XDH: variants seen among roughly 807,000 people sequenced by gnomAD.
XDH encodes xanthine dehydrogenase, also known as xanthine dehydrogenase/oxidase.
Under a neutral mutation model 156.1 loss-of-function variants are expected in XDH, and 138 were observed. That is an observed-to-expected ratio of 0.88 (90% CI 0.77 to 1.02). XDH has a LOEUF of 1.02. XDH is among the 50% of genes least tolerant of loss of function. The pLI is 0.00. For synonymous variants in XDH, 669 were observed against 625.7 expected (o/e 1.07, Z -1.03); for missense variants, 1,849 against 1,684.9 (o/e 1.10, Z -1.71).
intron 3 of XDH, among the ~76,000 whole-genome samples, chr2:31,402,785 T>C (rs753685581): frequency 6.6e-6 from 1 of 152,180 alleles, no homozygotes; most frequent in Non-Finnish European, 1.5e-5. Flanking sequence ...TGAAGAGCTA[T>C]TGAAGGGCTT....
chr2:31,356,465 A>C (rs1343614750), intron 24 of XDH, among the ~76,000 whole-genome samples: 1 of 152,194 alleles, frequency 6.6e-6, no homozygotes. Context: ...TGTCTCTGTA[A>C]GAGAGAAGTA....
chr2:31,337,550 A>C, intron 35 of XDH, 91 bp downstream of exon 35: 1 of 1,587,930 alleles, frequency 6.3e-7, no homozygotes, highest in Non-Finnish European at 8.6e-7. Flanking sequence ...AGAGAGCCCA[A>C]CACCTCTCCT....
chr2:31,361,173 T>C (rs1320248109), intron 24 of XDH, among the ~76,000 whole-genome samples: 6 of 152,358 alleles, frequency 3.9e-5, no homozygotes, highest in African/African-American at 1.4e-4. Flanking sequence ...GAATAACTTG[T>C]ATGCTACAAA....
chr2:31,368,177 T>TGTATGTGAAGC, intron 19 of XDH, 120 bp from the exon 20 acceptor site: 1 of 915,682 alleles, frequency 1.1e-6, no homozygotes, highest in Non-Finnish European at 1.8e-6. Flanking sequence ...AATGAATCTC[T>TGTATGTGAAGC]ATATGCTTCA....
At chr2:31,385,613 T>G (rs1173586161) in intron 9 of XDH, among the ~76,000 whole-genome samples, 1 of 152,150 alleles carries the variant, frequency 6.6e-6, no homozygotes, top group Admixed American at 6.5e-5. Context: ...TCCAGCAAAG[T>G]AGAAATAGGC....
chr2:31,369,025 A>T (rs1428594040), intron 18 of XDH, among the ~76,000 whole-genome samples: 1 of 152,154 alleles, frequency 6.6e-6, no homozygotes, highest in Non-Finnish European at 1.5e-5. Context: ...TCCTATGGAG[A>T]CTCAGAAGGC....
chr2:31,347,958 T>C (rs992158475), intron 28 of XDH, among the ~76,000 whole-genome samples: 11 of 152,328 alleles, frequency 7.2e-5, no homozygotes, highest in Admixed American at 6.5e-4. Context: ...CAGCTCATTG[T>C]CCTCACTCCA....
intron 16 of XDH, 103 bp downstream of exon 16, chr2:31,373,770 C>G (rs1341983726): frequency 8.9e-7 from 1 of 1,129,714 alleles, no homozygotes; most frequent in Non-Finnish European, 1.3e-6. Context: ...GTTTTATGGA[C>G]CTATATACAA....
Position 31,375,603 on chromosome 2 carries a change from C to A in XDH, c.1428-49G>T, listed in dbSNP as rs753158436. On this transcript the variant is annotated intron_variant, in intron 14 of 35. Coordinates refer to ENST00000379416, the MANE Select transcript of XDH (RefSeq NM_000379.4). ...CAGCGCTCCCGCCCAGCCCTCCAGA[C>A]CCCTTTGTGTAGAGCTGTGTGCCCA... 6.3e-6 allele frequency: 10 copies of A among 1,596,194 alleles called. No homozygotes were observed. The East Asian group carries it at 6.8e-5, about 11-fold the overall frequency.
chr2:31,382,747 G>C (rs1326398864), intron 11 of XDH, among the ~76,000 whole-genome samples: 1 of 152,170 alleles, frequency 6.6e-6, no homozygotes, highest in Non-Finnish European at 1.5e-5. Context: ...GTCGTGGAGT[G>C]CATTTCCCAG....
At position 31,349,772 on chromosome 2, in the gene XDH, C is replaced by G; in HGVS notation, c.2883G>C (p.Glu961Asp). The G allele has an allele frequency of 6.2e-7, 1 of 1,614,168 alleles. No homozygotes were observed. The highest frequency in any genetic ancestry group is 8.5e-7 in the Non-Finnish European group (1 of 1,180,044). Residue 961 changes from glutamate (E) to aspartate (D), a missense_variant, in exon 26 of 36, where the codon GAG becomes GAC. Physicochemically the swap from Glu to Asp is conservative, Grantham distance 45. Transcript: ENST00000379416. Reference protein sequence around the residue: ...GDLTHFNQKLEGFTLPRCWEE... With the variant: ...GDLTHFNQKLDGFTLPRCWEE... The stretch of plus-strand genomic sequence containing the variant: ...CCCAGCATCTGGGCAAGGTGAAACC[C>G]TCAAGCTTCTGGTTGAAGTGTGTCA...
Position 31,407,451 on chromosome 2 carries a change from C to T in XDH, c.43-1487G>A, listed in dbSNP as rs193211034. On this transcript the variant is annotated intron_variant, in intron 1 of 35. Transcript: ENST00000379416. ...TCATTTCCCAAAATACAGGATAGAGCATTCAATAAAGAGAGACTGTGTGGA... is the reference window on the plus strand; with the variant it reads ...TCATTTCCCAAAATACAGGATAGAGTATTCAATAAAGAGAGACTGTGTGGA... Among the ~76,000 whole-genome samples, 6 of 152,280 alleles carry T rather than the reference C, an allele frequency of 3.9e-5. No homozygotes were observed. In the East Asian group the frequency reaches 1.2e-3, roughly 29 times the overall value.
At chr2:31,395,193 A>G (rs1686869863) in intron 6 of XDH, among the ~76,000 whole-genome samples, 1 of 152,196 alleles carries the variant, frequency 6.6e-6, no homozygotes, top group Admixed American at 6.5e-5. Context: ...AGTATCCTAT[A>G]GTCCTAGGAT....
intron 11 of XDH, among the ~76,000 whole-genome samples, 167 bp downstream of exon 11, chr2:31,382,834 G>C (rs1421347321): frequency 6.6e-6 from 1 of 152,166 alleles, no homozygotes; most frequent in Non-Finnish European, 1.5e-5. Flanking sequence ...CAGAATCTCT[G>C]AGGGTGGGGC....
rs762286594 is a variant in XDH at position 31,377,225 on chromosome 2, A to G, written c.1255T>C (p.Ser419Pro). The stretch of plus-strand genomic sequence containing the variant: ...CTCCGGGAGGCCTGCTTGAATGCTG[A>G]GAAATACTCCCCCTAAAAGAGATCA... ...IPYSREGEYF[S>P]AFKQASRRED... is the part of the protein sequence containing the mutation. Residue 419 changes from serine (S) to proline (P), a missense_variant, in exon 14 of 36, where the codon TCA (serine) becomes CCA (proline). Ser to Pro is a moderately conservative substitution (Grantham distance 74). Transcript: ENST00000379416. 10 of 1,613,970 alleles carry G rather than the reference A, an allele frequency of 6.2e-6. No homozygotes were observed. The highest frequency in any genetic ancestry group is 8.5e-6 in the Non-Finnish European group (10 of 1,180,036).
chr2:31,401,157 A>G lies in XDH; in HGVS notation c.306+63T>C, dbSNP rs574790539. On this transcript the variant is annotated intron_variant, in intron 4 of 35. Coordinates refer to ENST00000379416, the MANE Select transcript of XDH (RefSeq NM_000379.4). ...CCCAAAGCAAGTCTGCAACTTTGGC[A>G]TGAGCCTCCCTGCAGAGGAAAGAGC... 5 of 1,587,146 alleles carry G rather than the reference A, an allele frequency of 3.2e-6. No individual in the cohort carries two copies. In the African/African-American group the frequency reaches 4.0e-5, roughly 13 times the overall value.
intron 24 of XDH, among the ~76,000 whole-genome samples, chr2:31,356,160 CT>C (rs1685616573): frequency 6.6e-6 from 1 of 152,120 alleles, no homozygotes; most frequent in South Asian, 2.1e-4. Context: ...AAATAGAAAA[CT>C]CCACAATTAC....
In XDH at chr2:31,366,088, C is replaced by G. The variant is rs544529260; in HGVS notation, c.2344G>C (p.Gly782Arg). Residue 782 changes from glycine (G) to arginine (R), a missense_variant, in exon 22 of 36, where the codon GGG (glycine) becomes CGG (arginine). Gly to Arg is a moderately radical substitution (Grantham distance 125). Transcript: ENST00000379416. The stretch of plus-strand genomic sequence containing the variant: ...ACCACAATCCGGTTTGCTGGAACCC[C>G]CAACATTTTTGCAACAAAGCTCTGT... ...KTQSFVAKML[G>R]VPANRIVVRV... 1 of 1,614,194 alleles carries G rather than the reference C, an allele frequency of 6.2e-7. No individual in the cohort carries two copies. Among genetic ancestry groups the G allele is most frequent in the Non-Finnish European group, 8.5e-7 (1 of 1,180,026 alleles).
rs757745879 is a variant in XDH, at chr2:31,414,623, AC to A, written c.42+1del. 57 of 1,613,932 alleles carry A rather than the reference AC, an allele frequency of 3.5e-5. No homozygotes were observed. Among genetic ancestry groups the A allele is most frequent in the Non-Finnish European group, 4.6e-5 (54 of 1,179,984 alleles). ...CAAAACCAAAGGTCAGCTCCTACTT[AC>A]CTTTCTGCCATTCACAAAGAAAACC... On this transcript the variant is annotated splice_donor_variant, in intron 1 of 35. Coordinates refer to ENST00000379416, the MANE Select transcript of XDH (RefSeq NM_000379.4). LOFTEE classifies it high-confidence loss of function.
Sources: gnomAD v4.1 joint callset for allele counts (sites outside exome capture counted in the v4.1 genomes callset) on GRCh38, gnomAD v4.1.1 for gene constraint, MANE v1.5 for transcripts, NCBI Gene and HGNC (gene_info 2026-07-23, HGNC 2026-07-21) for gene names.